Variants in GAB2 observed in about 807,000 individuals in gnomAD.
GAB2 encodes GRB2-associated-binding protein 2.
In GAB2, 26 loss-of-function variants were observed where a neutral mutation model predicts 65.5. The ratio of observed to expected loss-of-function variants is 0.40; its 90% CI spans 0.29 to 0.55. The LOEUF (loss-of-function observed/expected upper bound fraction) is 0.55, where lower values mean the gene tolerates loss of function less well. Ranked by LOEUF, GAB2 falls within the 20% of genes least tolerant of loss-of-function variation. The pLI, the probability that GAB2 is intolerant of heterozygous loss-of-function variation, is 0.53. For missense variants in GAB2, 884 were observed against 875.8 expected (o/e 1.01, Z -0.12); for synonymous variants, 321 against 329.6 (o/e 0.97, Z 0.28).
intron 1 of GAB2, among the ~76,000 whole-genome samples, chr11:78,307,530 G>T (rs1468537421): frequency 2.6e-5 from 4 of 151,598 alleles, no homozygotes; most frequent in Non-Finnish European, 5.9e-5. Flanking sequence ...GGCCAAGATA[G>T]GAGGATCTCT....
intron 1 of GAB2, among the ~76,000 whole-genome samples, chr11:78,390,110 C>G (rs11823431): frequency 0.016 from 2,362 of 152,290 alleles, 56 homozygotes; most frequent in African/African-American, 0.054. Context: ...GCTCAAAGCT[C>G]ACCAATCACA....
At chr11:78,265,178 T>A (rs1590979551) in intron 2 of GAB2, among the ~76,000 whole-genome samples, 1 of 146,666 alleles carries the variant, frequency 6.8e-6, no homozygotes, top group Non-Finnish European at 1.5e-5. Flanking sequence ...TAAGACCCTA[T>A]GTAATAAACG....
intron 1 of GAB2, among the ~76,000 whole-genome samples, chr11:78,329,638 A>G (rs1352094074): frequency 6.6e-6 from 1 of 152,208 alleles, no homozygotes; most frequent in East Asian, 1.9e-4. Context: ...CAACCAGACC[A>G]TTTTAGAGGC....
chr11:78,393,209 A>G (rs764459961), intron 1 of GAB2, among the ~76,000 whole-genome samples: 2 of 152,206 alleles, frequency 1.3e-5, no homozygotes, highest in Admixed American at 1.3e-4. Context: ...AAAGGTCTCA[A>G]AAGGGAGCTG....
intron 1 of GAB2, among the ~76,000 whole-genome samples, chr11:78,333,998 G>A (rs1340621305): frequency 6.6e-6 from 1 of 152,120 alleles, no homozygotes; most frequent in Non-Finnish European, 1.5e-5. Context: ...CTATATCTGA[G>A]ACCCTCTTGA....
chr11:78,226,033 A>C (rs949539331), intron 4 of GAB2, among the ~76,000 whole-genome samples: 3 of 152,288 alleles, frequency 2.0e-5, no homozygotes, highest in Admixed American at 1.3e-4. Flanking sequence ...AGTATGATTT[A>C]GAAAATATTA....
intron 1 of GAB2, among the ~76,000 whole-genome samples, chr11:78,382,180 AT>A (rs2134739673): frequency 6.6e-6 from 1 of 152,132 alleles, no homozygotes; most frequent in East Asian, 1.9e-4. Context: ...CTGTGCTCTC[AT>A]GGCACTTTGT....
intron 1 of GAB2, among the ~76,000 whole-genome samples, chr11:78,354,241 G>A (rs2134708594): frequency 6.6e-6 from 1 of 152,270 alleles, no homozygotes; most frequent in South Asian, 2.1e-4. Flanking sequence ...GTGGCAGGCT[G>A]TACGTTTTGA....
intron 5 of GAB2, among the ~76,000 whole-genome samples, 167 bp from the exon 6 acceptor site, chr11:78,223,843 G>C (rs1864541601): frequency 6.6e-6 from 1 of 152,254 alleles, no homozygotes; most frequent in South Asian, 2.1e-4. Flanking sequence ...AGTAGTGGGA[G>C]GCTGAGGCAG....
chr11:78,314,830 A>G (rs1484576559), intron 1 of GAB2, among the ~76,000 whole-genome samples: 1 of 152,234 alleles, frequency 6.6e-6, no homozygotes, highest in African/African-American at 2.4e-5. Flanking sequence ...CTGTGCCACA[A>G]TGCTACTGGG....
intron 1 of GAB2, 65 bp from the exon 2 acceptor site, chr11:78,280,966 T>A: frequency 7.3e-7 from 1 of 1,374,142 alleles, no homozygotes; most frequent in Non-Finnish European, 1.0e-6. Context: ...AAAGCTTTTT[T>A]CTTTCAGAGA....
chr11:78,334,314 A>G (rs1033031945), intron 1 of GAB2, among the ~76,000 whole-genome samples: 3 of 152,138 alleles, frequency 2.0e-5, no homozygotes, highest in African/African-American at 7.2e-5. Flanking sequence ...GACTATAGTT[A>G]CCCTGTTGTG....
chr11:78,382,396 T>TTTTA, intron 1 of GAB2, among the ~76,000 whole-genome samples: 2 of 151,424 alleles, frequency 1.3e-5, no homozygotes, highest in African/African-American at 4.9e-5. Context: ...TTTTTTTTTT[T>TTTTA]GAGACAGAGT....
intron 1 of GAB2, among the ~76,000 whole-genome samples, chr11:78,298,345 G>GCATA: frequency 6.6e-6 from 1 of 152,268 alleles, no homozygotes; most frequent in South Asian, 2.1e-4. Context: ...GCTGTATTAT[G>GCATA]ACTCATTATG....
chr11:78,301,594 A>C (rs1419259433), intron 1 of GAB2, among the ~76,000 whole-genome samples: 2 of 152,128 alleles, frequency 1.3e-5, no homozygotes, highest in African/African-American at 4.8e-5. Flanking sequence ...TGGCCTCTCA[A>C]AGTGTTGGGA....
chr11:78,348,883 A>T (rs879607800), intron 1 of GAB2, among the ~76,000 whole-genome samples: 1 of 152,262 alleles, frequency 6.6e-6, no homozygotes, highest in Non-Finnish European at 1.5e-5. Context: ...ACATGGATAC[A>T]TGCAACAACA....
intron 2 of GAB2, among the ~76,000 whole-genome samples, chr11:78,257,049 A>G (rs186407913): frequency 5.3e-5 from 8 of 151,468 alleles, no homozygotes; most frequent in Admixed American, 4.6e-4. Flanking sequence ...TTAGGGCCCT[A>G]CAGAATCACT....
intron 1 of GAB2, among the ~76,000 whole-genome samples, chr11:78,292,681 C>T (rs1186934485): frequency 6.6e-6 from 1 of 152,194 alleles, no homozygotes; most frequent in East Asian, 1.9e-4. Context: ...GTAACAGTTA[C>T]ACATTTTTGA....
intron 1 of GAB2, among the ~76,000 whole-genome samples, chr11:78,287,098 A>G (rs1338111872): frequency 6.6e-6 from 1 of 152,250 alleles, no homozygotes; most frequent in Non-Finnish European, 1.5e-5. Context: ...GAAATCCGTC[A>G]TCTACCATAT....
Sources: gnomAD v4.1 joint callset for allele counts (sites outside exome capture counted in the v4.1 genomes callset) on GRCh38, gnomAD v4.1.1 for gene constraint, MANE v1.5 for transcripts, NCBI Gene and HGNC (gene_info 2026-07-23, HGNC 2026-07-21) for gene names.